NPAS2: variants seen among roughly 807,000 people sequenced by gnomAD.
NPAS2 encodes neuronal PAS domain-containing protein 2.
Under a neutral mutation model 107.5 loss-of-function variants are expected in NPAS2, and 23 were observed. That is an observed-to-expected ratio of 0.21 (90% CI 0.15 to 0.30). The LOEUF (loss-of-function observed/expected upper bound fraction) is 0.30, where lower values mean the gene tolerates loss of function less well. Ranked by LOEUF, NPAS2 falls within the 10% of genes least tolerant of loss-of-function variation. The probability of loss-of-function intolerance (pLI) is 1.00; values close to 1 mark genes in which losing one functional copy is unlikely to be tolerated. For missense variants in NPAS2, 756 were observed against 1,043.3 expected (o/e 0.72, Z 3.79); for synonymous variants, 403 against 417.5 (o/e 0.97, Z 0.42).
chr2:100,996,147 T>G lies in NPAS2; in HGVS notation c.*565T>G. On this transcript the variant is annotated 3_prime_UTR_variant, in exon 21 of 21. Transcript: ENST00000335681. ...TAAAAAAATAATAAGGTCTCATGGC[T>G]TCATTTAGAGACCACAGTAACAACA... 1 of 307,802 alleles carries G rather than the reference T, an allele frequency of 3.2e-6. No individual in the cohort carries two copies. The highest frequency in any genetic ancestry group is 5.7e-6 in the Non-Finnish European group (1 of 174,580). 19.1% of individuals were successfully genotyped at this position (307,802 alleles called of 1,614,324 possible).
At chr2:100,863,270 A>G (rs1338943165) in intron 1 of NPAS2, among the ~76,000 whole-genome samples, 1 of 152,210 alleles carries the variant, frequency 6.6e-6, no homozygotes, top group Non-Finnish European at 1.5e-5. Context: ...CCATTCAAGC[A>G]AAAGAGGGCC....
At chr2:100,973,448 G>A (rs76958893) in intron 12 of NPAS2, among the ~76,000 whole-genome samples, 4,088 of 152,230 alleles carry the variant, frequency 0.027, 192 homozygotes, top group African/African-American at 0.093. Flanking sequence ...ACAAACAGCC[G>A]TGGTCCAGGG....
chr2:100,949,964 G>A (rs573984368), intron 7 of NPAS2, among the ~76,000 whole-genome samples: 56 of 152,318 alleles, frequency 3.7e-4, no homozygotes, highest in African/African-American at 1.3e-3. Context: ...AATGAGCCAG[G>A]AATCTGCATT....
At chr2:100,876,552 G>A (rs1036298525) in intron 1 of NPAS2, among the ~76,000 whole-genome samples, 2 of 152,170 alleles carry the variant, frequency 1.3e-5, no homozygotes, top group Admixed American at 6.5e-5. Flanking sequence ...TAATTCTGCT[G>A]CCCAGCTGTA....
intron 2 of NPAS2, among the ~76,000 whole-genome samples, chr2:100,910,246 G>A (rs1573600582): frequency 1.3e-5 from 2 of 152,180 alleles, no homozygotes; most frequent in South Asian, 4.1e-4. Flanking sequence ...TAACTATCAT[G>A]TTCCAATTAA....
At position 100,852,953 on chromosome 2, in the gene NPAS2, C is replaced by A. The variant is rs79184458; in HGVS notation, c.-23+32539C>A. 3.9e-5 allele frequency among the ~76,000 whole-genome samples: 6 copies of A among 152,224 alleles called. No homozygotes were observed. The East Asian group carries it at 1.2e-3, about 29-fold the overall frequency. On this transcript the variant is annotated intron_variant, in intron 1 of 20. Coordinates refer to ENST00000335681, the MANE Select transcript of NPAS2 (RefSeq NM_002518.4). ...ATTTCACTCATTATCTTCCCATAGCCCTTAAAACATCATTAAGTATTAAAT... is the reference window on the plus strand; with the variant it reads ...ATTTCACTCATTATCTTCCCATAGCACTTAAAACATCATTAAGTATTAAAT...
chr2:100,819,949 C>A (rs1001662457), upstream of NPAS2, among the ~76,000 whole-genome samples: 2 of 151,864 alleles, frequency 1.3e-5, no homozygotes, highest in Non-Finnish European at 2.9e-5. The surrounding 1 kb of genome is among the most constrained non-coding windows in gnomAD (Gnocchi z 5.8). Context: ...GGCCGGGGGT[C>A]CGTCTGCCTG....
Position 100,924,741 on chromosome 2 carries a change from G to A in NPAS2, c.33-405G>A, listed in dbSNP as rs574354327. On this transcript the variant is annotated intron_variant, in intron 2 of 20. Coordinates refer to ENST00000335681, the MANE Select transcript of NPAS2 (RefSeq NM_002518.4). ...ATACCTGGCCACCCCGTGGGCCCTG[G>A]AACCAGGCTGGGTGTTCTGGATTGA... Among the ~76,000 whole-genome samples, 4 of 152,202 alleles carry A rather than the reference G, an allele frequency of 2.6e-5. No homozygotes were observed. In the South Asian group the frequency reaches 6.2e-4, roughly 24 times the overall value.
intron 5 of NPAS2, among the ~76,000 whole-genome samples, chr2:100,939,154 CA>C (rs1674419844): frequency 6.6e-6 from 1 of 152,182 alleles, no homozygotes; most frequent in Non-Finnish European, 1.5e-5. Context: ...CCCTGGAAGC[CA>C]CTCCCTTATC....
At chr2:100,990,509 C>T in intron 18 of NPAS2, 63 bp downstream of exon 18, 1 of 1,534,346 alleles carries the variant, frequency 6.5e-7, no homozygotes, top group Non-Finnish European at 9.0e-7. Flanking sequence ...CATTTCAGCT[C>T]TACTTTCTGC....
intron 1 of NPAS2, among the ~76,000 whole-genome samples, chr2:100,877,326 G>T (rs1237639439): frequency 6.6e-6 from 1 of 151,862 alleles, no homozygotes; most frequent in Non-Finnish European, 1.5e-5. Flanking sequence ...TTAGCCAGGC[G>T]TGGTGGCAGG....
intron 5 of NPAS2, among the ~76,000 whole-genome samples, chr2:100,946,312 G>A (rs1272307674): frequency 6.6e-6 from 1 of 152,024 alleles, no homozygotes; most frequent in African/African-American, 2.4e-5. Flanking sequence ...GTCCCATCAA[G>A]GGGGTCATTG....
At position 100,896,315 on chromosome 2, in the gene NPAS2, C is replaced by A. The variant is rs559786470; in HGVS notation, c.-22-8418C>A. On this transcript the variant is annotated intron_variant, in intron 1 of 20. Coordinates refer to ENST00000335681, the MANE Select transcript of NPAS2 (RefSeq NM_002518.4). ...TCAGACTGACTCTGAAGTCGGAAAC[C>A]CCCTATTCTGAGCAGCAGTGGCTGG... 4.9e-4 allele frequency among the ~76,000 whole-genome samples: 74 copies of A among 152,278 alleles called. 1 individual carries two copies. The South Asian group carries it at 0.015, about 30-fold the overall frequency.
chr2:100,935,092 G>GA, intron 4 of NPAS2: 1 of 985,390 alleles, frequency 1.0e-6, no homozygotes, highest in Non-Finnish European at 1.2e-6. Flanking sequence ...TGACCTGGCT[G>GA]AAAAAACAAA....
At chr2:100,980,294 G>C (rs961574105) in intron 15 of NPAS2, among the ~76,000 whole-genome samples, 1 of 152,130 alleles carries the variant, frequency 6.6e-6, no homozygotes. Context: ...TCCCGACTTC[G>C]TAGAACCTGC....
intron 1 of NPAS2, among the ~76,000 whole-genome samples, chr2:100,902,482 C>G (rs1681848897): frequency 6.6e-6 from 1 of 152,198 alleles, no homozygotes; most frequent in African/African-American, 2.4e-5. Context: ...TGTCTGGTTG[C>G]ACTTACATGA....
At chr2:100,974,771 G>T in intron 12 of NPAS2, 32 bp from the exon 13 acceptor site, 1 of 1,594,996 alleles carries the variant, frequency 6.3e-7, no homozygotes, top group South Asian at 1.1e-5. Flanking sequence ...TCTTGATGCT[G>T]ACATGAGGAC....
At chr2:100,866,947 T>C (rs1367742835) in intron 1 of NPAS2, among the ~76,000 whole-genome samples, 1 of 152,186 alleles carries the variant, frequency 6.6e-6, no homozygotes, top group Non-Finnish European at 1.5e-5. Flanking sequence ...TTCTTTGGGG[T>C]GACATTAAGC....
At position 100,982,387 on chromosome 2, in the gene NPAS2, T is replaced by A; in HGVS notation, c.1629+10T>A. 6.2e-7 allele frequency: 1 copy of A among 1,613,214 alleles called. No individual in the cohort carries two copies. The highest frequency in any genetic ancestry group is 8.5e-7 in the Non-Finnish European group (1 of 1,179,848). On this transcript the variant is annotated intron_variant, in intron 16 of 20. Coordinates refer to ENST00000335681, the MANE Select transcript of NPAS2 (RefSeq NM_002518.4). ...GGACTCCAACGTCCAGGTGATCCCC[T>A]TCCCGGGCTGGCCTCTGTCCCTGCT...
Sources: gnomAD v4.1 joint callset for allele counts (sites outside exome capture counted in the v4.1 genomes callset) on GRCh38, gnomAD v4.1.1 for gene constraint, Gnocchi (gnomAD v3.1) non-coding constraint, MANE v1.5 for transcripts, NCBI Gene and HGNC (gene_info 2026-07-23, HGNC 2026-07-21) for gene names.